MEF2C: variants seen among roughly 807,000 people sequenced by gnomAD.
MEF2C encodes the protein myocyte enhancer factor 2C.
In MEF2C, 6 loss-of-function variants were observed where a neutral mutation model predicts 50.5. The observed-to-expected ratio is 0.12, with a 90% confidence interval of 0.07 to 0.23. The LOEUF is 0.23. Among genes scored for constraint, MEF2C ranks in the 10% least tolerant of loss-of-function variants. MEF2C has a pLI of 1.00. For synonymous variants in MEF2C, 183 were observed against 228.0 expected (o/e 0.80, Z 1.78); for missense variants, 276 against 605.0 (o/e 0.46, Z 5.70).
intron 1 of MEF2C, among the ~76,000 whole-genome samples, chr5:88,879,961 G>A (rs1832307927): frequency 6.6e-6 from 1 of 151,680 alleles, no homozygotes; most frequent in African/African-American, 2.4e-5. Flanking sequence ...GTTGTTCCTG[G>A]TTTTGTGAAT....
intron 1 of MEF2C, among the ~76,000 whole-genome samples, chr5:88,894,266 G>A (rs1253697677): frequency 6.6e-6 from 1 of 152,138 alleles, no homozygotes; most frequent in East Asian, 1.9e-4. Flanking sequence ...AGTGCCAAAC[G>A]ACATAAAACC....
At chr5:88,814,236 T>C (rs555366267) in intron 2 of MEF2C, among the ~76,000 whole-genome samples, 20 of 152,010 alleles carry the variant, frequency 1.3e-4, no homozygotes, top group Non-Finnish European at 2.8e-4. Flanking sequence ...CAGTTTTATT[T>C]TGTTTAATTC....
chr5:88,741,029 G>A (rs1186203890), intron 6 of MEF2C: 16 of 985,270 alleles, frequency 1.6e-5, no homozygotes, highest in Non-Finnish European at 1.9e-5. Context: ...CACATCAGAA[G>A]TTCATAACGT....
At chr5:88,797,698 T>C (rs1796612456) in intron 3 of MEF2C, among the ~76,000 whole-genome samples, 1 of 152,156 alleles carries the variant, frequency 6.6e-6, no homozygotes, top group African/African-American at 2.4e-5. Context: ...TCATGCCAGC[T>C]GGTTATTTTG....
upstream of MEF2C, among the ~76,000 whole-genome samples, chr5:88,883,977 T>C (rs1182706093): frequency 1.3e-5 from 2 of 152,234 alleles, no homozygotes; most frequent in Non-Finnish European, 2.9e-5. Flanking sequence ...TTCCTGACAT[T>C]TTGCTAATTT....
At chr5:88,735,107 C>T in intron 6 of MEF2C, 1 of 985,310 alleles carries the variant, frequency 1.0e-6, no homozygotes, top group East Asian at 1.1e-4. Context: ...ATATAGAAAC[C>T]TATGATTTGA....
At chr5:88,847,793 A>G (rs1819865893) in intron 1 of MEF2C, among the ~76,000 whole-genome samples, 1 of 152,174 alleles carries the variant, frequency 6.6e-6, no homozygotes, top group Non-Finnish European at 1.5e-5. Flanking sequence ...AAATTAGGAT[A>G]CAACATCAGA....
At chr5:88,815,501 G>A (rs1274411997) in intron 2 of MEF2C, among the ~76,000 whole-genome samples, 7 of 152,014 alleles carry the variant, frequency 4.6e-5, no homozygotes, top group Non-Finnish European at 1.5e-5. Flanking sequence ...CAAACATTTA[G>A]ACTGGTTCTC....
rs374788140 is a variant in MEF2C, at chr5:88,823,722, T to C, written c.54+13A>G. Reference sequence around the variant, plus strand: ...TAATAAATAATGATACAAAAAAAGTTTACTCCACTCACCTGTCTGTTACGT... The same window carrying C: ...TAATAAATAATGATACAAAAAAAGTCTACTCCACTCACCTGTCTGTTACGT... On this transcript the variant is annotated intron_variant, in intron 2 of 10. Transcript: ENST00000504921. 1.3e-6 allele frequency: 2 copies of C among 1,595,428 alleles called. No individual in the cohort carries two copies. Among genetic ancestry groups the C allele is most frequent in the Admixed American group, 3.4e-5 (2 of 59,108 alleles).
In MEF2C at chr5:88,717,698, T is replaced by C. The variant is rs1362753950; in HGVS notation, c.*4906A>G. On this transcript the variant is annotated 3_prime_UTR_variant, in exon 11 of 11. Transcript: ENST00000504921. ...TTCAGTTTTTAAATTAATCTTTCTA[T>C]CAATCTTTTTAAGGACATTCCCCTT... 4.6e-5 allele frequency: 7 copies of C among 152,182 alleles called. No homozygotes were observed. Among genetic ancestry groups the C allele is most frequent in the Admixed American group, 4.6e-4 (7 of 15,282 alleles). The allele number at this position is 152,182 out of a possible 1,614,324, so 9.4% of individuals were successfully genotyped here.
chr5:88,735,339 C>T lies in MEF2C; in HGVS notation c.638-3438G>A, dbSNP rs540849705. ...TCAACAACCTTCTAATATATGGATT[C>T]AACCTTTTTTCATGCTATGTTTTAA... is the stretch of plus-strand genomic sequence containing the variant. On this transcript the variant is annotated intron_variant, in intron 6 of 10. Coordinates refer to ENST00000504921, the MANE Select transcript of MEF2C (RefSeq NM_002397.5). 457 of 985,336 alleles carry T rather than the reference C, an allele frequency of 4.6e-4. 1 individual carries two copies. Among genetic ancestry groups the T allele is most frequent in the Middle Eastern group, 1.0e-3 (2 of 1,914 alleles). 61.0% of individuals were successfully genotyped at this position (985,336 alleles called of 1,614,324 possible). A position where few individuals can be genotyped will look rare whatever the true frequency, so the allele number is the denominator to read the frequency against.
Position 88,731,860 on chromosome 5 carries a change from C to T in MEF2C, c.679G>A (p.Val227Ile). ...GNPRNSPGLL[V>I]SPGNLNKNMQ... ...TTCTTGTTCAAGTTACCAGGTGAGA[C>T]CAGCAGACCTGGTGAGTTTCGGGGA... is the stretch of plus-strand genomic sequence containing the variant. Residue 227 changes from valine (V) to isoleucine (I), a missense_variant, in exon 7 of 11, where the codon GTC (valine) becomes ATC (isoleucine). Coordinates refer to ENST00000504921, the MANE Select transcript of MEF2C (RefSeq NM_002397.5). 1 of 1,613,096 alleles carries T rather than the reference C, an allele frequency of 6.2e-7. No homozygotes were observed. The highest frequency in any genetic ancestry group is 1.1e-5 in the South Asian group (1 of 91,050).
In MEF2C at chr5:88,733,741, T is replaced by C. The variant is rs1762654095; in HGVS notation, c.638-1840A>G. 4.1e-6 allele frequency: 4 copies of C among 985,150 alleles called. No individual in the cohort carries two copies. The South Asian group carries it at 1.4e-4, about 35-fold the overall frequency. 61.0% of individuals were successfully genotyped at this position (985,150 alleles called of 1,614,324 possible). A position where few individuals can be genotyped will look rare whatever the true frequency, so the allele number is the denominator to read the frequency against. On this transcript the variant is annotated intron_variant, in intron 6 of 10. Transcript: ENST00000504921. The stretch of plus-strand genomic sequence containing the variant: ...ACAAATAACTACAAGATTAAGTCTG[T>C]CAATTGGATTATGAATAAAATTATC...
chr5:88,723,676 C>T (rs1185978504), intron 10 of MEF2C, among the ~76,000 whole-genome samples: 1 of 152,184 alleles, frequency 6.6e-6, no homozygotes, highest in Non-Finnish European at 1.5e-5. Context: ...ACTTTGTGTT[C>T]CACAATGACC....
At chr5:88,836,889 G>A (rs1815321489) in intron 1 of MEF2C, among the ~76,000 whole-genome samples, 1 of 151,694 alleles carries the variant, frequency 6.6e-6, no homozygotes, top group Admixed American at 6.6e-5. Context: ...ACTCTCGGGT[G>A]GAGGCAAGCT....
chr5:88,760,575 G>T (rs1777394576), intron 4 of MEF2C, among the ~76,000 whole-genome samples: 1 of 152,182 alleles, frequency 6.6e-6, no homozygotes, highest in Admixed American at 6.5e-5. Flanking sequence ...TTACATGAAA[G>T]AATTGCTGAC....
At chr5:88,758,542 A>G (rs966684825) in intron 4 of MEF2C, among the ~76,000 whole-genome samples, 1 of 152,196 alleles carries the variant, frequency 6.6e-6, no homozygotes, top group Non-Finnish European at 1.5e-5. Flanking sequence ...GGGTCTTCGA[A>G]ATAGAAAAAC....
intron 6 of MEF2C, chr5:88,742,784 A>G: frequency 1.0e-6 from 1 of 985,294 alleles, no homozygotes. Context: ...TATCAAGGTA[A>G]TGGTTTATCT....
At chr5:88,866,367 AAG>A (rs1827385486) in intron 1 of MEF2C, among the ~76,000 whole-genome samples, 1 of 152,212 alleles carries the variant, frequency 6.6e-6, no homozygotes, top group Admixed American at 6.5e-5. Flanking sequence ...CATGACATTA[AAG>A]ATATGGTAGC....
Sources: allele counts gnomAD v4.1 joint callset (sites outside exome capture counted in the v4.1 genomes callset), GRCh38; gene constraint gnomAD v4.1.1; transcripts MANE v1.5; gene names NCBI Gene and HGNC (gene_info 2026-07-23, HGNC 2026-07-21).